Variants in TTC28 observed in about 807,000 individuals in gnomAD.
The protein encoded by TTC28 is tetratricopeptide repeat domain 28.
Under a neutral mutation model 198.0 loss-of-function variants are expected in TTC28, and 61 were observed. That is an observed-to-expected ratio of 0.31 (90% confidence interval 0.25 to 0.38). The LOEUF is 0.38. Among genes scored for constraint, TTC28 ranks in the 10% least tolerant of loss-of-function variants. The pLI, the probability that TTC28 is intolerant of heterozygous loss-of-function variation, is 1.00. For missense variants in TTC28, 2,678 were observed against 3,164.0 expected (o/e 0.85, Z 3.69); for synonymous variants, 1,171 against 1,297.8 (o/e 0.90, Z 2.10).
At chr22:28,581,618 A>G (rs997385400) in intron 2 of TTC28, among the ~76,000 whole-genome samples, 9 of 152,248 alleles carry the variant, frequency 5.9e-5, no homozygotes, top group African/African-American at 1.9e-4. Context: ...ACTAATAAAT[A>G]GAATTCAACA....
intron 5 of TTC28, among the ~76,000 whole-genome samples, chr22:28,189,489 A>G (rs1401865305): frequency 2.6e-5 from 4 of 151,962 alleles, no homozygotes; most frequent in Non-Finnish European, 4.4e-5. Context: ...AACAAAGAAA[A>G]TGGTGAGGAA....
intron 2 of TTC28, among the ~76,000 whole-genome samples, chr22:28,542,194 T>C (rs1193517201): frequency 1.3e-5 from 2 of 151,996 alleles, no homozygotes; most frequent in Non-Finnish European, 2.9e-5. Context: ...TAAAACTCAC[T>C]AGATAAATTA....
chr22:27,991,610 C>T (rs148117671), intron 19 of TTC28, among the ~76,000 whole-genome samples: 1 of 152,316 alleles, frequency 6.6e-6, no homozygotes, highest in East Asian at 1.9e-4. Flanking sequence ...GCAAATATCT[C>T]TAATAACAAC....
intron 2 of TTC28, among the ~76,000 whole-genome samples, chr22:28,311,208 T>C (rs1473452326): frequency 6.6e-6 from 1 of 152,206 alleles, no homozygotes; most frequent in East Asian, 1.9e-4. Flanking sequence ...ATATAATCAC[T>C]ATCTTTGTTC....
chr22:27,985,070 T>C (rs1163125739), intron 22 of TTC28, among the ~76,000 whole-genome samples, 179 bp downstream of exon 22: 1 of 152,250 alleles, frequency 6.6e-6, no homozygotes, highest in East Asian at 1.9e-4. Context: ...GCAAGTTCCA[T>C]GAGAGCAGGG....
At chr22:28,345,450 T>G (rs1402573138) in intron 2 of TTC28, among the ~76,000 whole-genome samples, 2 of 152,196 alleles carry the variant, frequency 1.3e-5, no homozygotes, top group Non-Finnish European at 2.9e-5. Flanking sequence ...TCCCATTCCC[T>G]TGGCCCTGCT....
chr22:28,264,444 T>C (rs1359212913), intron 5 of TTC28, among the ~76,000 whole-genome samples: 1 of 152,118 alleles, frequency 6.6e-6, no homozygotes, highest in Non-Finnish European at 1.5e-5. Context: ...TCTTCCATCA[T>C]GTGGGAAGCA....
chr22:28,185,382 A>G (rs933934991), intron 5 of TTC28, among the ~76,000 whole-genome samples: 4 of 152,114 alleles, frequency 2.6e-5, no homozygotes, highest in Non-Finnish European at 4.4e-5. Context: ...ATTAAACAGG[A>G]GCTGCTATTA....
chr22:28,472,732 TGATCAAA>T (rs1568966028), intron 2 of TTC28, among the ~76,000 whole-genome samples: 1 of 151,820 alleles, frequency 6.6e-6, no homozygotes, highest in South Asian at 2.1e-4. Flanking sequence ...AGGGAGGAAA[TGATCAAA>T]GAAATAATTC....
At chr22:28,419,332 C>G (rs1044851616) in intron 2 of TTC28, among the ~76,000 whole-genome samples, 1 of 152,150 alleles carries the variant, frequency 6.6e-6, no homozygotes, top group Non-Finnish European at 1.5e-5. Context: ...TTCTACAGTA[C>G]TTTATAATAT....
At chr22:28,082,824 A>C (rs547652887) in intron 12 of TTC28, among the ~76,000 whole-genome samples, 2 of 152,288 alleles carry the variant, frequency 1.3e-5, no homozygotes, top group Admixed American at 1.3e-4. Context: ...GATTGGTATT[A>C]ATTCTTCCTT....
intron 2 of TTC28, among the ~76,000 whole-genome samples, chr22:28,582,480 A>T (rs2050246519): frequency 6.6e-6 from 1 of 152,216 alleles, no homozygotes; most frequent in Admixed American, 6.5e-5. Context: ...AGGACTAAAG[A>T]CACCACCTAA....
chr22:28,537,224 C>G (rs1285469238), intron 2 of TTC28, among the ~76,000 whole-genome samples: 2 of 151,118 alleles, frequency 1.3e-5, no homozygotes, highest in African/African-American at 2.4e-5. Flanking sequence ...ACCTGGAAGG[C>G]AGAGCTTGCA....
At chr22:28,044,088 C>A (rs1255478256) in intron 12 of TTC28, among the ~76,000 whole-genome samples, 3 of 152,140 alleles carry the variant, frequency 2.0e-5, no homozygotes, top group African/African-American at 7.2e-5. Flanking sequence ...GTTGACACTG[C>A]CAGGAGCTAA....
rs907015140 is a variant in TTC28, at chr22:28,167,545, A to G, written c.934-3946T>C. Among the ~76,000 whole-genome samples, 7 of 152,272 alleles carry G rather than the reference A, an allele frequency of 4.6e-5. No homozygotes were observed. The East Asian group carries it at 5.8e-4, about 13-fold the overall frequency. On this transcript the variant is annotated intron_variant, in intron 5 of 22. Coordinates refer to ENST00000397906, the MANE Select transcript of TTC28 (RefSeq NM_001145418.2). Reference sequence around the variant, plus strand: ...CACAAATCAATAAACGTAAGCCATCATATAAACAGAACCAAAGAAAAAACC... The same window carrying G: ...CACAAATCAATAAACGTAAGCCATCGTATAAACAGAACCAAAGAAAAAACC...
intron 2 of TTC28, among the ~76,000 whole-genome samples, chr22:28,508,390 TC>T (rs2048641116): frequency 6.6e-6 from 1 of 152,192 alleles, no homozygotes; most frequent in Non-Finnish European, 1.5e-5. Context: ...TTCAAGAGCT[TC>T]CCCTATCTCA....
chr22:28,608,957 C>A (rs550566131), intron 2 of TTC28, among the ~76,000 whole-genome samples: 46 of 152,022 alleles, frequency 3.0e-4, no homozygotes, highest in Middle Eastern at 6.8e-3. Flanking sequence ...CCAAAGTTGC[C>A]ACATTATATT....
chr22:28,477,363 C>T (rs560591295), intron 2 of TTC28, among the ~76,000 whole-genome samples: 2 of 152,286 alleles, frequency 1.3e-5, no homozygotes, highest in East Asian at 3.9e-4. Flanking sequence ...AAACTCCTTC[C>T]CATGATCCAT....
At chr22:28,401,192 G>A (rs562557472) in intron 2 of TTC28, among the ~76,000 whole-genome samples, 116 of 151,736 alleles carry the variant, frequency 7.6e-4, no homozygotes, top group African/African-American at 2.7e-3. Flanking sequence ...AAAGGAGGGG[G>A]GGAGGAGGAG....
Sources: allele counts gnomAD v4.1 joint callset (sites outside exome capture counted in the v4.1 genomes callset), GRCh38; gene constraint gnomAD v4.1.1; transcripts MANE v1.5; gene names NCBI Gene and HGNC (gene_info 2026-07-23, HGNC 2026-07-21).